Variants in ZSCAN25 observed in about 807,000 individuals in gnomAD.
ZSCAN25 encodes zinc finger and SCAN domain-containing protein 25.
Under a neutral mutation model 38.7 loss-of-function variants are expected in ZSCAN25, and 27 were observed. The ratio of observed to expected loss-of-function variants is 0.70; its 90% confidence interval spans 0.51 to 0.96. The LOEUF (loss-of-function observed/expected upper bound fraction) is 0.96. ZSCAN25 is among the 40% of genes least tolerant of loss of function. The probability of loss-of-function intolerance (pLI) is 0.00; values close to 1 mark genes in which losing one functional copy is unlikely to be tolerated. For missense variants in ZSCAN25, 637 were observed against 705.9 expected (o/e 0.90, Z 1.11); for synonymous variants, 273 against 277.7 (o/e 0.98, Z 0.17).
chr7:99,735,869 A>G, the ZSCAN25 span, among the ~76,000 whole-genome samples: 1 of 152,152 alleles, frequency 6.6e-6, no homozygotes, highest in Non-Finnish European at 1.5e-5. Flanking sequence ...AGGCTGGTGG[A>G]GTTGACTTGG....
At chr7:99,685,202 G>A in the ZSCAN25 span, 1 of 1,613,624 alleles carries the variant, frequency 6.2e-7, no homozygotes, top group Admixed American at 1.7e-5. Flanking sequence ...TTTTCTGGTT[G>A]AAGAAGTCCT....
At chr7:99,642,002 A>C in the ZSCAN25 span, among the ~76,000 whole-genome samples, 1 of 152,210 alleles carries the variant, frequency 6.6e-6, no homozygotes, top group Non-Finnish European at 1.5e-5. Context: ...AAGTCCTTTC[A>C]TACCTGACAG....
chr7:99,628,337 A>G (rs553187797), intron 7 of ZSCAN25, among the ~76,000 whole-genome samples: 4 of 152,088 alleles, frequency 2.6e-5, no homozygotes, highest in Admixed American at 2.6e-4. Context: ...TTTAAGCACC[A>G]CTTATTTCTC....
chr7:99,709,136 A>C, the ZSCAN25 span: 4 of 1,614,012 alleles, frequency 2.5e-6, no homozygotes, highest in Non-Finnish European at 3.4e-6. Flanking sequence ...TAAACATCCC[A>C]TTGATTTCAA....
In ZSCAN25 at chr7:99,629,467, C is replaced by G; in HGVS notation, c.1082C>G (p.Ser361Cys). The G allele has an allele frequency of 1.9e-6, 3 of 1,614,242 alleles. No homozygotes were observed. The African/African-American group carries it at 4.0e-5, about 22-fold the overall frequency. ...TGTGGGAAAGGATTCAGTCGGAGCT[C>G]CAATCTCGTCAGGCACCAGCGAACC... ...PECGKGFSRS[S>C]NLVRHQRTHE... Residue 361 changes from serine (S) to cysteine (C), a missense_variant, in exon 8 of 8, where the codon TCC (serine) becomes TGC (cysteine). Ser to Cys is a moderately radical substitution (Grantham distance 112). Coordinates refer to ENST00000394152, the MANE Select transcript of ZSCAN25 (RefSeq NM_145115.3). The surrounding 1 kb of genome is among the most constrained non-coding windows in gnomAD (Gnocchi z 5.6).
the ZSCAN25 span, among the ~76,000 whole-genome samples, chr7:99,712,336 C>T: frequency 6.6e-6 from 1 of 152,152 alleles, no homozygotes; most frequent in Non-Finnish European, 1.5e-5. Flanking sequence ...TTACCATGAA[C>T]CTGATGATAC....
the ZSCAN25 span, among the ~76,000 whole-genome samples, chr7:99,645,211 G>A: frequency 9.4e-4 from 143 of 152,200 alleles, 1 homozygote; most frequent in Admixed American, 4.4e-3. Context: ...GGATAGTCTC[G>A]ATCTCCTGAC....
the ZSCAN25 span, among the ~76,000 whole-genome samples, chr7:99,689,458 C>A: frequency 1.3e-5 from 2 of 152,180 alleles, no homozygotes; most frequent in Non-Finnish European, 2.9e-5. Context: ...CCTCCCAAGA[C>A]TAAACCAGGA....
the ZSCAN25 span, chr7:99,665,333 G>A: frequency 6.2e-7 from 1 of 1,613,802 alleles, no homozygotes; most frequent in Non-Finnish European, 8.5e-7. Context: ...AGAAAGATAT[G>A]GAAAATTAAA....
At chr7:99,646,585 G>C in the ZSCAN25 span, among the ~76,000 whole-genome samples, 1 of 152,132 alleles carries the variant, frequency 6.6e-6, no homozygotes, top group African/African-American at 2.4e-5. Context: ...CCATTTGAGT[G>C]TTTTCTTACT....
At chr7:99,624,258 CG>C in intron 7 of ZSCAN25, 78 bp downstream of exon 7, 1 of 1,592,402 alleles carries the variant, frequency 6.3e-7, no homozygotes, top group Admixed American at 1.7e-5. Flanking sequence ...GTAGCTCTGG[CG>C]CTCCTGGCAA....
At chr7:99,699,174 C>T in the ZSCAN25 span, among the ~76,000 whole-genome samples, 2 of 152,178 alleles carry the variant, frequency 1.3e-5, no homozygotes, top group Non-Finnish European at 2.9e-5. Context: ...CTAGCAGATT[C>T]CCATTAGCTG....
the ZSCAN25 span, chr7:99,730,915 G>T: frequency 9.1e-7 from 1 of 1,104,236 alleles, no homozygotes; most frequent in Non-Finnish European, 1.3e-6. Flanking sequence ...GGTAAACTTT[G>T]CCACGCTCTG....
At chr7:99,655,191 C>G in the ZSCAN25 span, among the ~76,000 whole-genome samples, 20 of 152,258 alleles carry the variant, frequency 1.3e-4, no homozygotes, top group South Asian at 2.1e-3. Flanking sequence ...AGGTTTTCTT[C>G]TAGGGTTTTT....
downstream of ZSCAN25, among the ~76,000 whole-genome samples, chr7:99,637,383 A>G (rs1429026451): frequency 6.6e-6 from 1 of 152,176 alleles, no homozygotes; most frequent in Non-Finnish European, 1.5e-5. Context: ...ATTTCTGGGA[A>G]GAGTGTTTTT....
chr7:99,631,133 A>C lies in ZSCAN25; in HGVS notation c.*1113A>C. ...TGTACCTGATCTTCAGAACCCGTGG[A>C]TATTCCTGCAAATCCTCTGGGCCTG... On this transcript the variant is annotated 3_prime_UTR_variant, in exon 8 of 8. Coordinates refer to ENST00000394152, the MANE Select transcript of ZSCAN25 (RefSeq NM_145115.3). 1 of 985,422 alleles carries C rather than the reference A, an allele frequency of 1.0e-6. No homozygotes were observed. The highest frequency in any genetic ancestry group is 1.2e-6 in the Non-Finnish European group (1 of 829,936). 61.0% of individuals were successfully genotyped at this position (985,422 alleles called of 1,614,324 possible). A position where few individuals can be genotyped will look rare whatever the true frequency, so the allele number is the denominator to read the frequency against.
At position 99,629,108 on chromosome 7, in the gene ZSCAN25, G is replaced by A; in HGVS notation, c.806-83G>A. The A allele has an allele frequency of 6.7e-7, 1 of 1,499,644 alleles. No homozygotes were observed. The allele number at this position is 1,499,644 out of a possible 1,614,324, so 92.9% of individuals were successfully genotyped here. A position where few individuals can be genotyped will look rare whatever the true frequency, so the allele number is the denominator to read the frequency against. On this transcript the variant is annotated intron_variant, in intron 7 of 7. Transcript: ENST00000394152. This position sits in a 1 kb window ranked among gnomAD's most constrained non-coding sequence, Gnocchi z 5.6. Reference sequence around the variant, plus strand: ...GGAAAAAAGAGAAGGAACCATGAATGGGACCCCTGTGAAGCAGAGTTCTAA... The same window carrying A: ...GGAAAAAAGAGAAGGAACCATGAATAGGACCCCTGTGAAGCAGAGTTCTAA...
chr7:99,622,351 GC>G, intron 5 of ZSCAN25, 197 bp from the exon 6 acceptor site: 1 of 615,524 alleles, frequency 1.6e-6, no homozygotes. Flanking sequence ...AGACACCCAG[GC>G]CCCAGCTGAG....
the ZSCAN25 span, among the ~76,000 whole-genome samples, chr7:99,670,733 A>C: frequency 6.6e-6 from 1 of 152,204 alleles, no homozygotes; most frequent in Non-Finnish European, 1.5e-5. Flanking sequence ...CAGCACTTAC[A>C]TTTGTGAGCT....
Sources: gnomAD v4.1 joint callset for allele counts (sites outside exome capture counted in the v4.1 genomes callset) on GRCh38, gnomAD v4.1.1 for gene constraint, Gnocchi (gnomAD v3.1) non-coding constraint, MANE v1.5 for transcripts, NCBI Gene and HGNC (gene_info 2026-07-23, HGNC 2026-07-21) for gene names.